EPHA3: variants seen among roughly 807,000 people sequenced by gnomAD.
The protein encoded by EPHA3 is EPH receptor A3, also known as ephrin type-A receptor 3.
EPHA3 carries 42 observed loss-of-function variants against 107.1 expected under a neutral mutation model. The observed-to-expected ratio is 0.39, with a 90% CI of 0.31 to 0.51. The LOEUF is 0.51. Among genes scored for constraint, EPHA3 ranks in the 20% least tolerant of loss-of-function variants. The pLI, the probability that EPHA3 is intolerant of heterozygous loss-of-function variation, is 0.78. For missense variants in EPHA3, 1,183 were observed against 1,211.2 expected (o/e 0.98, Z 0.35); for synonymous variants, 461 against 424.8 (o/e 1.09, Z -1.05).
intron 3 of EPHA3, among the ~76,000 whole-genome samples, chr3:89,331,957 T>G (rs1298943362): frequency 1.3e-5 from 2 of 152,154 alleles, no homozygotes; most frequent in Non-Finnish European, 1.5e-5. Flanking sequence ...TTCAGCACTA[T>G]TCTGAAAAGC....
At chr3:89,259,994 A>G (rs536459594) in intron 3 of EPHA3, among the ~76,000 whole-genome samples, 4 of 152,194 alleles carry the variant, frequency 2.6e-5, no homozygotes, top group Non-Finnish European at 5.9e-5. Flanking sequence ...AAATAGCAGC[A>G]TCTTCTTTTT....
At chr3:89,183,327 A>G (rs551466171) in intron 2 of EPHA3, among the ~76,000 whole-genome samples, 1 of 151,894 alleles carries the variant, frequency 6.6e-6, no homozygotes. Flanking sequence ...TTGAGCTCCT[A>G]AGAGGTTTAT....
At chr3:89,348,348 G>C (rs1707723821) in intron 5 of EPHA3, among the ~76,000 whole-genome samples, 1 of 137,306 alleles carries the variant, frequency 7.3e-6, no homozygotes, top group Non-Finnish European at 1.6e-5. Flanking sequence ...TCTTGGGAGA[G>C]TGTATGTGTC....
Position 89,240,352 on chromosome 3 carries a change from T to C in EPHA3, c.814+29832T>C, listed in dbSNP as rs991503807. On this transcript the variant is annotated intron_variant, in intron 3 of 16. Transcript: ENST00000336596. ...GCATAATTAATGCAATTAAGACTAG[T>C]AGAAAAATACTTGACTGGTATTTTG... 3.9e-5 allele frequency among the ~76,000 whole-genome samples: 6 copies of C among 152,270 alleles called. No homozygotes were observed. The South Asian group carries it at 8.3e-4, about 21-fold the overall frequency.
chr3:89,131,333 ATATT>A (rs1559745123), intron 2 of EPHA3, among the ~76,000 whole-genome samples: 1 of 152,184 alleles, frequency 6.6e-6, no homozygotes, highest in East Asian at 1.9e-4. Flanking sequence ...TCTAATATTA[ATATT>A]TGATTTGGAG....
intron 11 of EPHA3, among the ~76,000 whole-genome samples, chr3:89,423,874 T>C (rs1709401357): frequency 6.6e-6 from 1 of 151,348 alleles, no homozygotes; most frequent in African/African-American, 2.4e-5. Context: ...TTACAAAATT[T>C]GTTAGAGCAC....
intron 3 of EPHA3, among the ~76,000 whole-genome samples, chr3:89,231,459 A>C (rs1339786156): frequency 6.6e-6 from 1 of 152,128 alleles, no homozygotes; most frequent in East Asian, 1.9e-4. Flanking sequence ...TTTGTTTGCT[A>C]TTTGCCTTTT....
chr3:89,408,889 C>T (rs780554930), intron 9 of EPHA3, among the ~76,000 whole-genome samples: 1 of 151,920 alleles, frequency 6.6e-6, no homozygotes, highest in Non-Finnish European at 1.5e-5. Flanking sequence ...CTCAATATAA[C>T]TAATGTAGTC....
At chr3:89,177,712 C>T (rs1013025891) in intron 2 of EPHA3, among the ~76,000 whole-genome samples, 1 of 152,212 alleles carries the variant, frequency 6.6e-6, no homozygotes, top group African/African-American at 2.4e-5. Context: ...ATTAAATGCA[C>T]TGTTTTATCA....
intron 2 of EPHA3, among the ~76,000 whole-genome samples, chr3:89,166,006 T>A (rs1559760080): frequency 2.6e-5 from 4 of 152,118 alleles, no homozygotes; most frequent in Admixed American, 2.0e-4. Context: ...GCCAGAGAGG[T>A]TAAGTAATTT....
intron 3 of EPHA3, among the ~76,000 whole-genome samples, chr3:89,336,114 A>G (rs1411481942): frequency 6.6e-6 from 1 of 152,002 alleles, no homozygotes; most frequent in African/African-American, 2.4e-5. Context: ...ACTGGGACTT[A>G]TTTTCATTAA....
At chr3:89,247,699 T>G (rs1705068911) in intron 3 of EPHA3, among the ~76,000 whole-genome samples, 1 of 152,204 alleles carries the variant, frequency 6.6e-6, no homozygotes, top group Non-Finnish European at 1.5e-5. Flanking sequence ...AGTTCAGTTT[T>G]GGGTATTTTG....
At chr3:89,424,581 A>C (rs1191136783) in intron 11 of EPHA3, among the ~76,000 whole-genome samples, 1 of 151,252 alleles carries the variant, frequency 6.6e-6, no homozygotes, top group African/African-American at 2.4e-5. Context: ...TATTTTGAGC[A>C]CTCTGATAAT....
intron 5 of EPHA3, among the ~76,000 whole-genome samples, chr3:89,380,884 T>G (rs1708489978): frequency 6.6e-6 from 1 of 151,704 alleles, no homozygotes; most frequent in African/African-American, 2.4e-5. Flanking sequence ...TTCGCCTGCC[T>G]CAGCCTCCCA....
intron 7 of EPHA3, among the ~76,000 whole-genome samples, chr3:89,406,600 T>C (rs1325709456): frequency 6.6e-6 from 1 of 152,212 alleles, no homozygotes; most frequent in Non-Finnish European, 1.5e-5. Flanking sequence ...GATTTAGAAT[T>C]TTCACATGTC....
intron 12 of EPHA3, among the ~76,000 whole-genome samples, chr3:89,429,695 CATCTATCTATCTATCT>C (rs55794052): frequency 0.01 from 1,512 of 149,238 alleles, 20 homozygotes; most frequent in African/African-American, 0.03. Context: ...GTTTATCTAT[CATCTATCTATCTATCT>C]ATCTATCTAT....
chr3:89,200,949 A>G (rs1705954166), intron 2 of EPHA3, among the ~76,000 whole-genome samples: 2 of 152,128 alleles, frequency 1.3e-5, no homozygotes, highest in Admixed American at 1.3e-4. Context: ...CTGCTGGGAT[A>G]GGTTCCAGCC....
intron 2 of EPHA3, among the ~76,000 whole-genome samples, chr3:89,153,704 C>T (rs540016150): frequency 6.6e-6 from 1 of 152,226 alleles, no homozygotes; most frequent in South Asian, 2.1e-4. Context: ...AATCCAGGCT[C>T]CCTGCCCCTG....
intron 2 of EPHA3, among the ~76,000 whole-genome samples, chr3:89,131,548 A>G (rs1256832164): frequency 6.6e-6 from 1 of 152,206 alleles, no homozygotes; most frequent in African/African-American, 2.4e-5. Context: ...GATCCAAGGA[A>G]GGTTGAGCTA....
Sources: gnomAD v4.1 joint callset for allele counts (sites outside exome capture counted in the v4.1 genomes callset) on GRCh38, gnomAD v4.1.1 for gene constraint, MANE v1.5 for transcripts, NCBI Gene and HGNC (gene_info 2026-07-23, HGNC 2026-07-21) for gene names.